Variants in ASIC2 observed in about 807,000 individuals in gnomAD.
ASIC2 encodes acid sensing ion channel subunit 2.
Under a neutral mutation model 57.3 loss-of-function variants are expected in ASIC2, and 25 were observed. The ratio of observed to expected loss-of-function variants is 0.44; its 90% CI spans 0.32 to 0.61. The LOEUF (loss-of-function observed/expected upper bound fraction) is 0.61, where lower values mean the gene tolerates loss of function less well. Among genes scored for constraint, ASIC2 ranks in the 20% least tolerant of loss-of-function variants. The pLI, the probability that ASIC2 is intolerant of heterozygous loss-of-function variation, is 0.06. For synonymous variants in ASIC2, 319 were observed against 307.5 expected (o/e 1.04, Z -0.39); for missense variants, 641 against 738.1 (o/e 0.87, Z 1.52).
intron 1 of ASIC2, among the ~76,000 whole-genome samples, chr17:34,045,659 G>A (rs1908307514): frequency 6.6e-6 from 1 of 152,166 alleles, no homozygotes; most frequent in Non-Finnish European, 1.5e-5. Flanking sequence ...GTTGTTTTAT[G>A]TTCAGAAGAG....
At chr17:33,943,678 T>C (rs916603334) in intron 1 of ASIC2, among the ~76,000 whole-genome samples, 2 of 139,198 alleles carry the variant, frequency 1.4e-5, no homozygotes, top group Non-Finnish European at 3.1e-5. Context: ...CCAACATTCA[T>C]TGAATGATAA....
chr17:34,108,895 C>G (rs1028667736), intron 1 of ASIC2, among the ~76,000 whole-genome samples: 10 of 151,978 alleles, frequency 6.6e-5, no homozygotes, highest in African/African-American at 2.4e-4. Context: ...ATCCATAATA[C>G]TCTTTATCTT....
intron 1 of ASIC2, among the ~76,000 whole-genome samples, chr17:34,021,419 C>T (rs1045226630): frequency 6.6e-6 from 1 of 152,144 alleles, no homozygotes. Context: ...GGACTCTTGC[C>T]CACCAGTTAT....
At chr17:34,055,997 A>G (rs1186999695) in intron 1 of ASIC2, among the ~76,000 whole-genome samples, 1 of 152,200 alleles carries the variant, frequency 6.6e-6, no homozygotes, top group African/African-American at 2.4e-5. Flanking sequence ...GAGAAAAGAG[A>G]CTAGGATGAC....
chr17:33,388,866 CCAA>C (rs1909790351), intron 1 of ASIC2, among the ~76,000 whole-genome samples: 1 of 152,246 alleles, frequency 6.6e-6, no homozygotes, highest in African/African-American at 2.4e-5. Flanking sequence ...CAGGCTGCTT[CCAA>C]CTTGCAAGAC....
chr17:33,847,757 C>T lies in ASIC2; in HGVS notation c.555+308221G>A, dbSNP rs561277260. 2.8e-4 allele frequency among the ~76,000 whole-genome samples: 43 copies of T among 152,196 alleles called. No homozygotes were observed. The South Asian group carries it at 7.5e-3, about 26-fold the overall frequency. On this transcript the variant is annotated intron_variant, in intron 1 of 9. Transcript: ENST00000359872. ...AGGCAGATGAGCAAATGACAAGGCC[C>T]GGTGATGCACAGTAGCACAGAGGAA...
intron 1 of ASIC2, among the ~76,000 whole-genome samples, chr17:33,911,628 A>G (rs1597926623): frequency 6.6e-6 from 1 of 152,220 alleles, no homozygotes; most frequent in Non-Finnish European, 1.5e-5. Context: ...TACCCAGCTA[A>G]CACCCATAGA....
At chr17:33,330,861 T>G (rs1278908074) in intron 1 of ASIC2, among the ~76,000 whole-genome samples, 1 of 152,176 alleles carries the variant, frequency 6.6e-6, no homozygotes, top group Non-Finnish European at 1.5e-5. Context: ...GAGAGAATCC[T>G]GACTGGCCTA....
intron 1 of ASIC2, among the ~76,000 whole-genome samples, chr17:33,888,805 G>T (rs1468523960): frequency 6.6e-6 from 1 of 152,186 alleles, no homozygotes; most frequent in East Asian, 1.9e-4. Context: ...TGTGAGTGGA[G>T]GGGCTATAGG....
intron 1 of ASIC2, among the ~76,000 whole-genome samples, chr17:33,269,687 C>CTTTT (rs1904392629): frequency 3.1e-5 from 2 of 63,806 alleles, no homozygotes; most frequent in Non-Finnish European, 6.7e-5. Flanking sequence ...TCCCTCCCTC[C>CTTTT]TGCCTGCCTG....
intron 1 of ASIC2, among the ~76,000 whole-genome samples, chr17:33,611,011 T>C (rs544969580): frequency 6.6e-6 from 1 of 152,348 alleles, no homozygotes; most frequent in South Asian, 2.1e-4. Flanking sequence ...ACCAGCAGAC[T>C]GATTTCTGGG....
At chr17:33,662,233 T>G (rs369089654) in intron 1 of ASIC2, among the ~76,000 whole-genome samples, 17 of 152,142 alleles carry the variant, frequency 1.1e-4, no homozygotes, top group African/African-American at 3.6e-4. Context: ...TTCTTATCTG[T>G]AAAGTAGAGA....
intron 1 of ASIC2, among the ~76,000 whole-genome samples, chr17:33,232,846 C>T (rs1281974656): frequency 6.6e-6 from 1 of 152,222 alleles, no homozygotes; most frequent in African/African-American, 2.4e-5. Flanking sequence ...TGGCACCTGG[C>T]TGCCCTCTTC....
intron 1 of ASIC2, among the ~76,000 whole-genome samples, chr17:34,066,828 G>C (rs1252850882): frequency 6.6e-6 from 1 of 152,122 alleles, no homozygotes; most frequent in Non-Finnish European, 1.5e-5. Context: ...AAGTTTCCAG[G>C]GAACTCGAAA....
chr17:33,983,945 T>C (rs958198229), intron 1 of ASIC2, among the ~76,000 whole-genome samples: 1 of 152,230 alleles, frequency 6.6e-6, no homozygotes, highest in African/African-American at 2.4e-5. Flanking sequence ...AGAAGCCCTC[T>C]GTTTGTGCTG....
chr17:33,962,840 C>T (rs1237087952), intron 1 of ASIC2, among the ~76,000 whole-genome samples: 5 of 152,160 alleles, frequency 3.3e-5, no homozygotes, highest in African/African-American at 1.2e-4. Flanking sequence ...GTCATGTCTC[C>T]CAGCCCAAAC....
intron 1 of ASIC2, among the ~76,000 whole-genome samples, chr17:33,658,237 C>T (rs1907137172): frequency 6.6e-6 from 1 of 152,220 alleles, no homozygotes; most frequent in Non-Finnish European, 1.5e-5. Context: ...CAGAGAGGGA[C>T]AGAGGCCCCT....
chr17:33,755,558 G>A (rs996258995), intron 1 of ASIC2, among the ~76,000 whole-genome samples: 10 of 152,292 alleles, frequency 6.6e-5, no homozygotes, highest in African/African-American at 2.4e-4. Context: ...CATTTGAATG[G>A]ACATCATTGG....
At chr17:33,574,182 A>G (rs1388391134) in intron 1 of ASIC2, among the ~76,000 whole-genome samples, 1 of 152,194 alleles carries the variant, frequency 6.6e-6, no homozygotes, top group East Asian at 1.9e-4. Context: ...AAGAGTTACC[A>G]TTGCTCTACC....
Sources: allele counts gnomAD v4.1 joint callset (sites outside exome capture counted in the v4.1 genomes callset), GRCh38; gene constraint gnomAD v4.1.1; transcripts MANE v1.5; gene names NCBI Gene and HGNC (gene_info 2026-07-23, HGNC 2026-07-21).